C3orf33: variants seen among roughly 807,000 people sequenced by gnomAD.
The protein encoded by C3orf33 is mitochondrial inner membrane subdomain organizer 1.
Under a neutral mutation model 28.7 loss-of-function variants are expected in C3orf33, and 23 were observed. That is an observed-to-expected ratio of 0.80 (90% CI 0.58 to 1.13). The LOEUF (loss-of-function observed/expected upper bound fraction) is 1.13. Among genes scored for constraint, C3orf33 ranks in the 50% most tolerant of loss-of-function variants. The pLI is 0.00. For synonymous variants in C3orf33, 119 were observed against 120.5 expected, an observed-to-expected ratio of 0.99 and a Z score of 0.08; for missense variants, 327 against 353.4, an observed-to-expected ratio of 0.93 and a Z score of 0.60.
At chr3:155,805,681 T>G (rs1057496153) in intron 1 of C3orf33, 4 of 455,538 alleles carry the variant, frequency 8.8e-6, no homozygotes, top group Non-Finnish European at 1.8e-5. Flanking sequence ...GCTATGATCG[T>G]GCCACTGCAC....
intron 2 of C3orf33, among the ~76,000 whole-genome samples, chr3:155,777,395 T>C (rs1183848925): frequency 6.6e-6 from 1 of 152,182 alleles, no homozygotes; most frequent in African/African-American, 2.4e-5. Flanking sequence ...AAGAGATTAT[T>C]GTTAATTTTA....
At chr3:155,785,659 C>T (rs987795132) in intron 2 of C3orf33, among the ~76,000 whole-genome samples, 3 of 152,112 alleles carry the variant, frequency 2.0e-5, no homozygotes, top group African/African-American at 7.2e-5. Flanking sequence ...AAAATTAAAA[C>T]ACACCATGCC....
intron 2 of C3orf33, among the ~76,000 whole-genome samples, chr3:155,785,506 T>G (rs1237371851): frequency 6.6e-6 from 1 of 152,166 alleles, no homozygotes; most frequent in East Asian, 1.9e-4. Flanking sequence ...ATACAAAGTA[T>G]CTTCTCTGAA....
chr3:155,775,995 G>T, intron 2 of C3orf33, 147 bp from the exon 3 acceptor site: 1 of 567,576 alleles, frequency 1.8e-6, no homozygotes. Flanking sequence ...ACTTTAATAT[G>T]ATTTAATCAA....
At chr3:155,784,803 T>C (rs1298210272) in intron 2 of C3orf33, among the ~76,000 whole-genome samples, 3 of 150,308 alleles carry the variant, frequency 2.0e-5, no homozygotes, top group Admixed American at 6.6e-5. Flanking sequence ...AACACAGTAA[T>C]GCAGGAAATG....
At position 155,767,528 on chromosome 3, in the gene C3orf33, C is replaced by T; in HGVS notation, c.464G>A (p.Cys155Tyr). 1.9e-6 allele frequency: 3 copies of T among 1,572,742 alleles called. No homozygotes were observed. Among genetic ancestry groups the T allele is most frequent in the Non-Finnish European group, 2.6e-6 (3 of 1,154,766 alleles). The change falls in exon 4 of 5, where the codon TGC becomes TAC. Residue 155 changes from cysteine to tyrosine, a missense_variant. Physicochemically the swap from Cys to Tyr is radical, Grantham distance 194. Coordinates refer to ENST00000340171, the MANE Select transcript of C3orf33 (RefSeq NM_001308229.2). ...GCTTACCTTACTCACCAGAAGATAGCAAAAGAGTGCTGAATTCTCCTTTCC... is the reference window on the plus strand; with the variant it reads ...GCTTACCTTACTCACCAGAAGATAGTAAAAGAGTGCTGAATTCTCCTTTCC... ...LLGKENSALFCYLLVSKGGYF... is the reference protein window; with the variant it reads ...LLGKENSALFYYLLVSKGGYF...
At chr3:155,790,234 A>C (rs1288542420) in intron 2 of C3orf33, among the ~76,000 whole-genome samples, 1 of 151,408 alleles carries the variant, frequency 6.6e-6, no homozygotes, top group Non-Finnish European at 1.5e-5. Context: ...AAAGAAAAAA[A>C]AAAAAAAGGT....
At chr3:155,774,292 G>A (rs1278069995) in intron 3 of C3orf33, among the ~76,000 whole-genome samples, 1 of 152,164 alleles carries the variant, frequency 6.6e-6, no homozygotes, top group Non-Finnish European at 1.5e-5. Flanking sequence ...TACTATAATT[G>A]CAGTGTATTA....
At chr3:155,783,930 T>G (rs1195893801) in intron 2 of C3orf33, among the ~76,000 whole-genome samples, 2 of 145,158 alleles carry the variant, frequency 1.4e-5, no homozygotes, top group South Asian at 2.2e-4. Context: ...TTGTTTGGGG[T>G]TTTTTTTTTG....
intron 1 of C3orf33, chr3:155,805,523 C>T: frequency 2.3e-6 from 1 of 436,054 alleles, no homozygotes; most frequent in Non-Finnish European, 4.6e-6. Context: ...AGTTGGAGGA[C>T]AGCCTGGACA....
chr3:155,801,309 C>CAA (rs59221219), intron 2 of C3orf33, among the ~76,000 whole-genome samples: 3 of 122,888 alleles, frequency 2.4e-5, no homozygotes, highest in South Asian at 2.8e-4. Context: ...AGACTCTGTC[C>CAA]AAAAAAAAAA....
intron 1 of C3orf33, chr3:155,804,098 C>A (rs1314138118): frequency 2.9e-6 from 1 of 342,384 alleles, no homozygotes; most frequent in Admixed American, 4.1e-5. Flanking sequence ...ATCACTTGAA[C>A]CTGGGAGGCA....
intron 1 of C3orf33, chr3:155,805,696 G>C (rs1013476889): frequency 8.8e-6 from 4 of 455,696 alleles, no homozygotes; most frequent in African/African-American, 8.0e-5. Flanking sequence ...CTGCACTCCA[G>C]CTTGGGCCAG....
chr3:155,773,061 T>G (rs1176992978), intron 3 of C3orf33, among the ~76,000 whole-genome samples: 2 of 152,166 alleles, frequency 1.3e-5, no homozygotes, highest in African/African-American at 4.8e-5. Context: ...TTTTAGGACC[T>G]GGATCTTAGC....
chr3:155,790,520 T>C (rs1173674404), intron 2 of C3orf33, among the ~76,000 whole-genome samples: 2 of 152,062 alleles, frequency 1.3e-5, no homozygotes, highest in Admixed American at 6.6e-5. Flanking sequence ...AGCACCTTCA[T>C]AAGAACCAAA....
intron 3 of C3orf33, among the ~76,000 whole-genome samples, chr3:155,774,287 T>C (rs1750672605): frequency 6.6e-6 from 1 of 152,216 alleles, no homozygotes. Flanking sequence ...ATAAGTACTA[T>C]AATTGCAGTG....
intron 2 of C3orf33, among the ~76,000 whole-genome samples, chr3:155,799,128 C>T (rs760116102): frequency 7.9e-5 from 12 of 152,162 alleles, no homozygotes; most frequent in Non-Finnish European, 1.3e-4. Flanking sequence ...CAATAACAAA[C>T]GCTGGCAAGG....
intron 2 of C3orf33, among the ~76,000 whole-genome samples, chr3:155,784,926 G>C (rs1248173116): frequency 6.6e-6 from 1 of 151,642 alleles, no homozygotes; most frequent in African/African-American, 2.4e-5. Flanking sequence ...AATAGAAAGA[G>C]AGAGATCAGC....
intron 4 of C3orf33, among the ~76,000 whole-genome samples, 171 bp downstream of exon 4, chr3:155,767,338 C>T (rs1004357449): frequency 6.6e-6 from 1 of 151,638 alleles, no homozygotes; most frequent in African/African-American, 2.4e-5. Context: ...ACATATGTAA[C>T]TAAAATAAAA....
Sources: gnomAD v4.1 joint callset for allele counts (sites outside exome capture counted in the v4.1 genomes callset) on GRCh38, gnomAD v4.1.1 for gene constraint, MANE v1.5 for transcripts, NCBI Gene and HGNC (gene_info 2026-07-23, HGNC 2026-07-21) for gene names.